Variants in TESC observed in about 807,000 individuals in gnomAD.
TESC encodes the protein calcineurin B homologous protein 3.
A neutral mutation model predicts 31.0 loss-of-function variants in TESC; 19 were observed. That is an observed-to-expected ratio of 0.61 (90% CI 0.43 to 0.90). The LOEUF (loss-of-function observed/expected upper bound fraction) is 0.90. Among genes scored for constraint, TESC ranks in the 40% least tolerant of loss-of-function variants. The probability of loss-of-function intolerance (pLI) is 0.00; values close to 1 mark genes in which losing one functional copy is unlikely to be tolerated. For synonymous variants in TESC, 109 were observed against 114.8 expected, an observed-to-expected ratio of 0.95 and a Z score of 0.32; for missense variants, 248 against 303.8, an observed-to-expected ratio of 0.82 and a Z score of 1.36.
In TESC at chr12:117,099,405, G is replaced by GCCGCGGGTT. The variant is rs1955443399; in HGVS notation, c.-132_-124dup. 7 of 1,004,756 alleles carry GCCGCGGGTT rather than the reference G, an allele frequency of 7.0e-6. No individual in the cohort carries two copies. In the Admixed American group the frequency reaches 1.3e-4, roughly 19 times the overall value. The allele number at this position is 1,004,756 out of a possible 1,614,324, so 62.2% of individuals were successfully genotyped here. On this transcript the variant is annotated 5_prime_UTR_variant, in exon 1 of 8. Transcript: ENST00000335209. Reference sequence around the variant, plus strand: ...GTCGGGACGCCGGCGAAGGCTCGGAGCCGCGGGTTCCGCGTGGGGCCGGAG... The same window carrying GCCGCGGGTT: ...GTCGGGACGCCGGCGAAGGCTCGGAGCCGCGGGTTCCGCGGGTTCCGCGTGGGGCCGGAG...
Position 117,049,102 on chromosome 12 carries a change from A to G in TESC, c.266T>C (p.Leu89Pro). 1 of 1,614,258 alleles carries G rather than the reference A, an allele frequency of 6.2e-7. No homozygotes were observed. Among genetic ancestry groups the G allele is most frequent in the South Asian group, 1.1e-5 (1 of 91,090 alleles). ...LADEINFEDF[L>P]TIMSYFRPID... ...GGGCCGGAAGTAGGACATGATGGTC[A>G]GGAAGTCCTCGAAATTGATCTCATC... Residue 89 changes from leucine to proline, a missense_variant, in exon 4 of 8, where the codon CTG becomes CCG. Physicochemically the swap from Leu to Pro is moderately conservative, Grantham distance 98 (BLOSUM62 -3). Transcript: ENST00000335209.
chr12:117,046,161 G>A lies in TESC; in HGVS notation c.519+398C>T, dbSNP rs117715910. Among the ~76,000 whole-genome samples the A allele has an allele frequency of 2.8e-4, 43 of 152,212 alleles. No individual in the cohort carries two copies. The East Asian group carries it at 7.0e-3, about 25-fold the overall frequency. On this transcript the variant is annotated intron_variant, in intron 6 of 7. Coordinates refer to ENST00000335209, the MANE Select transcript of TESC (RefSeq NM_017899.4). ...GGGCTCCCTGCTGACCCCTGCCTTC[G>A]AGGCCAGAAGTTGCCTCTGAGTCAT...
intron 2 of TESC, among the ~76,000 whole-genome samples, chr12:117,073,163 C>G (rs1488302639): frequency 6.6e-6 from 1 of 152,202 alleles, no homozygotes; most frequent in Non-Finnish European, 1.5e-5. Flanking sequence ...CTGGTTGAAA[C>G]CACCCGCCCT....
intron 3 of TESC, among the ~76,000 whole-genome samples, chr12:117,052,780 A>C (rs1333868984): frequency 2.9e-5 from 4 of 138,282 alleles, no homozygotes; most frequent in South Asian, 2.6e-4. Flanking sequence ...CCAGGCTCAC[A>C]CCTCTAGTCA....
Position 117,099,210 on chromosome 12 carries a change from C to T in TESC, c.58+15G>A. The T allele has an allele frequency of 6.8e-7, 1 of 1,481,238 alleles. No individual in the cohort carries two copies. The highest frequency in any genetic ancestry group is 3.0e-5 in the East Asian group (1 of 33,876). The allele number at this position is 1,481,238 out of a possible 1,614,324, so 91.8% of individuals were successfully genotyped here. ...TCCCGCCCCGGTCCCCGCGCCGCCC[C>T]CCGCGGGTACTCACAGCCGGTCTTG... On this transcript the variant is annotated intron_variant, in intron 1 of 7. Coordinates refer to ENST00000335209, the MANE Select transcript of TESC (RefSeq NM_017899.4).
Position 117,041,927 on chromosome 12 carries a change from C to A in TESC, c.567+20G>T. ...AGGTCTTCAAGGGTCCCCCGAGGCT[C>A]CCACGCCCAGGCCACCCACCTTCAG... is the stretch of plus-strand genomic sequence containing the variant. On this transcript the variant is annotated intron_variant, in intron 7 of 7. Coordinates refer to ENST00000335209, the MANE Select transcript of TESC (RefSeq NM_017899.4). The A allele has an allele frequency of 6.3e-7, 1 of 1,577,864 alleles. No homozygotes were observed. Among genetic ancestry groups the A allele is most frequent in the Non-Finnish European group, 8.6e-7 (1 of 1,160,982 alleles).
intron 6 of TESC, among the ~76,000 whole-genome samples, chr12:117,043,037 T>C (rs536829572): frequency 5.3e-5 from 8 of 151,960 alleles, no homozygotes; most frequent in Non-Finnish European, 1.0e-4. Flanking sequence ...CTGAGATGTG[T>C]ACCCAGCAGA....
intron 2 of TESC, among the ~76,000 whole-genome samples, chr12:117,064,241 T>C (rs1188610091): frequency 6.6e-6 from 1 of 152,224 alleles, no homozygotes; most frequent in African/African-American, 2.4e-5. Context: ...TACACATGAA[T>C]GCGTGAGAAC....
In TESC at chr12:117,099,238, C is replaced by G; in HGVS notation, c.45G>C (p.Glu15Asp). 1 of 1,479,312 alleles carries G rather than the reference C, an allele frequency of 6.8e-7. No homozygotes were observed. Among genetic ancestry groups the G allele is most frequent in the African/African-American group, 1.5e-5 (1 of 68,186 alleles). The allele number at this position is 1,479,312 out of a possible 1,614,324, so 91.6% of individuals were successfully genotyped here. ...GCGGGTACTCACAGCCGGTCTTGCCCTCGAGCTCCCGCACCTCCTCAGACG... is the reference window on the plus strand; with the variant it reads ...GCGGGTACTCACAGCCGGTCTTGCCGTCGAGCTCCCGCACCTCCTCAGACG... ...HSASEEVREL[E>D]GKTGFSSDQI... Residue 15 changes from glutamate to aspartate, a missense_variant, in exon 1 of 8, where the codon GAG (glutamate) becomes GAC (aspartate). By Grantham distance (45) the Glu-to-Asp change is conservative (BLOSUM62 2). Transcript: ENST00000335209.
chr12:117,079,102 G>C (rs1002194076), intron 1 of TESC, among the ~76,000 whole-genome samples: 1 of 152,158 alleles, frequency 6.6e-6, no homozygotes, highest in Admixed American at 6.5e-5. Flanking sequence ...CCCACAATTT[G>C]AACTTGGTCT....
chr12:117,066,684 T>C (rs1293557207), intron 2 of TESC, among the ~76,000 whole-genome samples: 1 of 152,124 alleles, frequency 6.6e-6, no homozygotes, highest in Non-Finnish European at 1.5e-5. Context: ...ATATTGCTCA[T>C]GTTATAGCAT....
chr12:117,088,896 G>A (rs562872426), intron 1 of TESC, among the ~76,000 whole-genome samples: 2 of 152,338 alleles, frequency 1.3e-5, no homozygotes, highest in South Asian at 4.1e-4. Context: ...GTTAGTGACA[G>A]ATGCTGCTGA....
intron 1 of TESC, 88 bp from the exon 2 acceptor site, chr12:117,075,428 TC>T: frequency 7.0e-7 from 1 of 1,424,306 alleles, no homozygotes; most frequent in Non-Finnish European, 9.6e-7. Context: ...TTTTGCCCCA[TC>T]CCCACTGGCT....
intron 2 of TESC, among the ~76,000 whole-genome samples, chr12:117,068,712 C>T (rs934794451): frequency 7.2e-5 from 11 of 152,132 alleles, no homozygotes; most frequent in Non-Finnish European, 1.3e-4. Context: ...GCATTTACCT[C>T]CGGAATTACT....
At chr12:117,093,497 G>A (rs1170785998) in intron 1 of TESC, among the ~76,000 whole-genome samples, 3 of 152,196 alleles carry the variant, frequency 2.0e-5, no homozygotes, top group East Asian at 1.9e-4. Flanking sequence ...GGGCTCAGGC[G>A]AACCCCCTGC....
intron 6 of TESC, among the ~76,000 whole-genome samples, chr12:117,046,038 A>G (rs6490104): frequency 0.45 from 68,658 of 152,090 alleles, 17,937 homozygotes; most frequent in African/African-American, 0.73. Flanking sequence ...ATGAACATGG[A>G]AAGGCCACTT....
At chr12:117,090,043 G>A (rs1482581919) in intron 1 of TESC, among the ~76,000 whole-genome samples, 9 of 150,604 alleles carry the variant, frequency 6.0e-5, no homozygotes, top group African/African-American at 1.7e-4. Context: ...AAAACGAATC[G>A]CTGAAAAAAA....
chr12:117,053,731 C>T (rs6490106), intron 3 of TESC, among the ~76,000 whole-genome samples: 60,178 of 151,688 alleles, frequency 0.4, 13,148 homozygotes, highest in African/African-American at 0.6. Flanking sequence ...TGCTCCCTCT[C>T]TCGCGTGCGC....
chr12:117,055,912 C>CTTT (rs201228990), intron 3 of TESC, among the ~76,000 whole-genome samples: 4 of 139,926 alleles, frequency 2.9e-5, no homozygotes, highest in Non-Finnish European at 4.7e-5. Context: ...TTTCCTTTTC[C>CTTT]TTTTTTTTTT....
Sources: allele counts gnomAD v4.1 joint callset (sites outside exome capture counted in the v4.1 genomes callset), GRCh38; gene constraint gnomAD v4.1.1; transcripts MANE v1.5; gene names NCBI Gene and HGNC (gene_info 2026-07-23, HGNC 2026-07-21).